The following ZNF148 variants were observed in gnomAD, a reference collection of about 807,000 sequenced individuals.
The protein encoded by ZNF148 is Beta-Enolase Repressor Factor-1.
ZNF148 carries 7 observed loss-of-function variants against 67.7 expected under a neutral mutation model. That is an observed-to-expected ratio of 0.10 (90% CI 0.06 to 0.19). The LOEUF (loss-of-function observed/expected upper bound fraction) is 0.19. ZNF148 is among the 10% of genes least tolerant of loss of function. The pLI is 1.00. For missense variants in ZNF148, 583 were observed against 947.1 expected, an observed-to-expected ratio of 0.62 and a Z score of 5.05; for synonymous variants, 333 against 330.7, an observed-to-expected ratio of 1.01 and a Z score of -0.08.
intron 4 of ZNF148, among the ~76,000 whole-genome samples, chr3:125,297,036 A>C (rs1037153395): frequency 2.6e-5 from 4 of 152,040 alleles, no homozygotes; most frequent in African/African-American, 9.7e-5. Context: ...AGATTATAAC[A>C]ATTTTTATTT....
chr3:125,312,581 T>C (rs1195310393), intron 4 of ZNF148, among the ~76,000 whole-genome samples: 5 of 152,138 alleles, frequency 3.3e-5, no homozygotes, highest in Non-Finnish European at 7.3e-5. Flanking sequence ...ATCTAGAGGT[T>C]ATAAAACAGG....
intron 5 of ZNF148, among the ~76,000 whole-genome samples, chr3:125,285,452 G>A (rs1287753683): frequency 3.3e-5 from 5 of 152,028 alleles, no homozygotes; most frequent in African/African-American, 1.2e-4. Context: ...CCATTCACCT[G>A]GAGATGGCAG....
At chr3:125,271,289 C>T (rs1232342856) in intron 7 of ZNF148, among the ~76,000 whole-genome samples, 1 of 152,204 alleles carries the variant, frequency 6.6e-6, no homozygotes, top group South Asian at 2.1e-4. Context: ...GTCCTTCCTG[C>T]TTTCCTCAGA....
chr3:125,269,563 A>G (rs1423176829), intron 7 of ZNF148, among the ~76,000 whole-genome samples: 1 of 152,172 alleles, frequency 6.6e-6, no homozygotes, highest in South Asian at 2.1e-4. Context: ...TTCTCAAGGA[A>G]GTAAAAACAA....
intron 7 of ZNF148, among the ~76,000 whole-genome samples, chr3:125,237,495 T>C (rs1205438348): frequency 6.6e-6 from 1 of 152,016 alleles, no homozygotes; most frequent in Non-Finnish European, 1.5e-5. Context: ...GGTGGAAGGA[T>C]CGTTCAAGCC....
intron 1 of ZNF148, among the ~76,000 whole-genome samples, chr3:125,355,590 C>T (rs1413411617): frequency 6.6e-6 from 1 of 152,042 alleles, no homozygotes; most frequent in African/African-American, 2.4e-5. Context: ...TGTTTTCCAG[C>T]AAAACAAAAG....
At chr3:125,255,302 A>G (rs952507502) in intron 7 of ZNF148, among the ~76,000 whole-genome samples, 2 of 120,666 alleles carry the variant, frequency 1.7e-5, no homozygotes, top group African/African-American at 6.6e-5. Flanking sequence ...GCTGGAGTGC[A>G]GTGGCACAAT....
chr3:125,348,571 T>C (rs900956125), intron 1 of ZNF148, among the ~76,000 whole-genome samples: 23 of 150,258 alleles, frequency 1.5e-4, no homozygotes, highest in African/African-American at 5.6e-4. Context: ...TTGTATGCAC[T>C]GAAAACTACA....
intron 1 of ZNF148, among the ~76,000 whole-genome samples, chr3:125,336,377 G>A (rs1941493548): frequency 6.6e-6 from 1 of 152,100 alleles, no homozygotes; most frequent in Non-Finnish European, 1.5e-5. Flanking sequence ...ATGATTTAAT[G>A]AGCCTTTCTG....
intron 1 of ZNF148, among the ~76,000 whole-genome samples, chr3:125,352,035 T>C (rs752344315): frequency 3.3e-5 from 5 of 152,062 alleles, no homozygotes; most frequent in African/African-American, 4.8e-5. Flanking sequence ...TTTTTCACTC[T>C]TACATACACA....
intron 7 of ZNF148, among the ~76,000 whole-genome samples, chr3:125,245,089 A>G (rs1936536323): frequency 6.6e-6 from 1 of 152,136 alleles, no homozygotes; most frequent in Non-Finnish European, 1.5e-5. Context: ...CCACATATCC[A>G]AACTGCTTAT....
intron 1 of ZNF148, among the ~76,000 whole-genome samples, chr3:125,345,983 G>C (rs942886920): frequency 2.6e-5 from 4 of 152,138 alleles, no homozygotes; most frequent in Admixed American, 1.3e-4. Flanking sequence ...CTCATTTTAT[G>C]AGATCAGCAT....
chr3:125,312,989 T>C (rs1040788317), intron 4 of ZNF148, among the ~76,000 whole-genome samples: 2 of 152,318 alleles, frequency 1.3e-5, no homozygotes, highest in South Asian at 2.1e-4. Flanking sequence ...TCTAGTTACG[T>C]TGAAGATTCA....
intron 1 of ZNF148, among the ~76,000 whole-genome samples, chr3:125,349,145 T>C (rs541357200): frequency 7.2e-5 from 11 of 152,198 alleles, no homozygotes; most frequent in African/African-American, 1.9e-4. Context: ...GAAGAAAACA[T>C]GGGAGAAAAG....
At chr3:125,367,755 T>C (rs1942745017) in intron 1 of ZNF148, among the ~76,000 whole-genome samples, 2 of 152,170 alleles carry the variant, frequency 1.3e-5, no homozygotes, top group South Asian at 4.1e-4. Context: ...AATGCCAGGA[T>C]AACAGGGCCA....
chr3:125,250,354 G>T (rs1334486430), intron 7 of ZNF148, among the ~76,000 whole-genome samples: 6 of 152,142 alleles, frequency 3.9e-5, no homozygotes, highest in African/African-American at 9.7e-5. Flanking sequence ...TTTTGCCCAG[G>T]TCATGATGCT....
chr3:125,309,187 C>CT (rs1940062232), intron 4 of ZNF148, among the ~76,000 whole-genome samples: 1 of 152,158 alleles, frequency 6.6e-6, no homozygotes, highest in South Asian at 2.1e-4. Context: ...TGTCAAAACT[C>CT]TGAACTACAA....
intron 5 of ZNF148, among the ~76,000 whole-genome samples, chr3:125,279,655 A>C (rs758966865): frequency 6.6e-6 from 1 of 152,156 alleles, no homozygotes; most frequent in Non-Finnish European, 1.5e-5. Context: ...TAAATCATGG[A>C]AAATGAATAC....
chr3:125,283,253 C>A (rs1031714330), intron 5 of ZNF148, among the ~76,000 whole-genome samples: 8 of 152,130 alleles, frequency 5.3e-5, no homozygotes, highest in African/African-American at 1.9e-4. Context: ...AACATTGTCA[C>A]TTTCTTTCAT....
Sources: allele counts gnomAD v4.1 joint callset (sites outside exome capture counted in the v4.1 genomes callset), GRCh38; gene constraint gnomAD v4.1.1; transcripts MANE v1.5; gene names NCBI Gene and HGNC (gene_info 2026-07-23, HGNC 2026-07-21).